Variants in PLCL1 observed in about 807,000 individuals in gnomAD.
PLCL1 encodes inactive phospholipase C-like protein 1.
PLCL1 carries 41 observed loss-of-function variants against 84.4 expected under a neutral mutation model. The ratio of observed to expected loss-of-function variants is 0.49; its 90% confidence interval spans 0.38 to 0.63. The LOEUF (loss-of-function observed/expected upper bound fraction) is 0.63, where lower values mean the gene tolerates loss of function less well. Among genes scored for constraint, PLCL1 ranks in the 30% least tolerant of loss-of-function variants. PLCL1 has a pLI of 0.00. For missense variants in PLCL1, 1,206 were observed against 1,367.8 expected, an observed-to-expected ratio of 0.88 and a Z score of 1.87; for synonymous variants, 490 against 488.3, an observed-to-expected ratio of 1.00 and a Z score of -0.05.
chr2:198,101,182 A>G, intron 3 of PLCL1, 103 bp from the exon 4 acceptor site: 3 of 723,856 alleles, frequency 4.1e-6, no homozygotes, highest in Non-Finnish European at 7.4e-6. Context: ...ACTATGGCTT[A>G]CTTTTACTGG....
chr2:197,988,364 T>G (rs114798840), intron 1 of PLCL1, among the ~76,000 whole-genome samples: 2 of 152,168 alleles, frequency 1.3e-5, no homozygotes. Flanking sequence ...ATATGTAGTA[T>G]TATTTATTCC....
chr2:197,846,829 C>T (rs948635435), intron 1 of PLCL1, among the ~76,000 whole-genome samples: 15 of 152,014 alleles, frequency 9.9e-5, no homozygotes, highest in Non-Finnish European at 2.1e-4. Context: ...AAGGTGGAGA[C>T]ATATATGGAT....
intron 1 of PLCL1, 147 bp from the exon 2 acceptor site, chr2:198,083,610 TC>T (rs1157399025): frequency 1.7e-6 from 1 of 574,740 alleles, no homozygotes; most frequent in African/African-American, 1.9e-5. Context: ...ATTTCTCTTT[TC>T]TGAAACAGTG....
At chr2:197,831,725 C>G (rs1691070819) in intron 1 of PLCL1, among the ~76,000 whole-genome samples, 2 of 152,190 alleles carry the variant, frequency 1.3e-5, no homozygotes, top group South Asian at 4.1e-4. Flanking sequence ...ACATTCTTCT[C>G]AGCACCACAT....
intron 1 of PLCL1, among the ~76,000 whole-genome samples, chr2:197,858,569 A>G (rs953042553): frequency 6.6e-6 from 1 of 152,018 alleles, no homozygotes; most frequent in African/African-American, 2.4e-5. Flanking sequence ...TATGTGTACT[A>G]TTTTTCCTAA....
intron 1 of PLCL1, among the ~76,000 whole-genome samples, chr2:197,923,722 C>A (rs1344109413): frequency 4.0e-5 from 6 of 151,824 alleles, no homozygotes; most frequent in Non-Finnish European, 7.4e-5. Context: ...GATGGGCGGC[C>A]AGGCAGAGAT....
At chr2:198,105,302 C>T (rs1693447016) in intron 5 of PLCL1, among the ~76,000 whole-genome samples, 2 of 151,858 alleles carry the variant, frequency 1.3e-5, no homozygotes, top group African/African-American at 4.8e-5. Context: ...TTGTTGTTGA[C>T]TTTATTGAAG....
At chr2:197,934,648 A>G (rs1015304222) in intron 1 of PLCL1, among the ~76,000 whole-genome samples, 3 of 152,190 alleles carry the variant, frequency 2.0e-5, no homozygotes, top group African/African-American at 7.2e-5. Flanking sequence ...TATAGTTGAC[A>G]AAAACATTTT....
At chr2:197,925,311 TA>T (rs1006576437) in intron 1 of PLCL1, among the ~76,000 whole-genome samples, 13 of 151,972 alleles carry the variant, frequency 8.6e-5, no homozygotes, top group African/African-American at 2.7e-4. Flanking sequence ...ACTGGTTGGT[TA>T]AAAAAAATCA....
intron 1 of PLCL1, among the ~76,000 whole-genome samples, chr2:198,020,499 T>C (rs748606603): frequency 2.5e-4 from 38 of 151,274 alleles, no homozygotes; most frequent in African/African-American, 9.3e-4. Flanking sequence ...ACCCATCTCA[T>C]GTGCAAAGAC....
intron 1 of PLCL1, among the ~76,000 whole-genome samples, chr2:197,937,256 G>A (rs77734120): frequency 0.012 from 1,842 of 152,192 alleles, 35 homozygotes; most frequent in African/African-American, 0.043. Context: ...TTTGCTATTT[G>A]GGGTCCTGTA....
chr2:198,031,600 C>T (rs184192133), intron 1 of PLCL1, among the ~76,000 whole-genome samples: 2 of 150,246 alleles, frequency 1.3e-5, no homozygotes, highest in Non-Finnish European at 2.9e-5. Context: ...AAGCAATTCT[C>T]TCATCTTAGC....
intron 1 of PLCL1, among the ~76,000 whole-genome samples, chr2:198,004,107 A>G (rs957679010): frequency 6.6e-6 from 1 of 152,050 alleles, no homozygotes; most frequent in Non-Finnish European, 1.5e-5. Flanking sequence ...AACTTTAAAC[A>G]TTATTTAAGG....
In PLCL1 at chr2:197,910,316, T is replaced by A. The variant is rs190832126; in HGVS notation, c.240+104977T>A. Among the ~76,000 whole-genome samples the A allele has an allele frequency of 6.2e-3, 940 of 152,352 alleles. 3 individuals are homozygous for A. Among genetic ancestry groups the A allele is most frequent in the Non-Finnish European group, 9.5e-3 (645 of 68,036 alleles). On this transcript the variant is annotated intron_variant, in intron 1 of 5. Coordinates refer to ENST00000428675, the MANE Select transcript of PLCL1 (RefSeq NM_006226.4). ...CCTTTGGTTTCATCTTCTGTAAAAC[T>A]GTACCATTCTCAGAGGACTGTTTTA...
intron 5 of PLCL1, among the ~76,000 whole-genome samples, chr2:198,124,805 TG>T (rs1693948383): frequency 6.6e-6 from 1 of 152,198 alleles, no homozygotes; most frequent in South Asian, 2.1e-4. Context: ...GCTTGTACTT[TG>T]TAGAGAATGA....
chr2:197,818,696 A>G (rs1690742245), intron 1 of PLCL1, among the ~76,000 whole-genome samples: 1 of 152,048 alleles, frequency 6.6e-6, no homozygotes, highest in African/African-American at 2.4e-5. Context: ...GTAAGATTGG[A>G]CTGGTAATGG....
At chr2:197,840,741 C>A (rs1354871117) in intron 1 of PLCL1, among the ~76,000 whole-genome samples, 1 of 152,122 alleles carries the variant, frequency 6.6e-6, no homozygotes, top group Admixed American at 6.5e-5. Context: ...ATGTGTGGCC[C>A]AATGATCCTC....
At chr2:198,107,943 A>G (rs1193450251) in intron 5 of PLCL1, among the ~76,000 whole-genome samples, 1 of 151,958 alleles carries the variant, frequency 6.6e-6, no homozygotes, top group East Asian at 1.9e-4. Flanking sequence ...CCTTTCCCCA[A>G]GAGCTGGACA....
At chr2:197,923,018 T>A (rs1468955356) in intron 1 of PLCL1, among the ~76,000 whole-genome samples, 3 of 90,588 alleles carry the variant, frequency 3.3e-5, no homozygotes, top group Non-Finnish European at 4.5e-5. Flanking sequence ...CACTTCCCAG[T>A]AGGGGCGGCC....
Sources: allele counts gnomAD v4.1 joint callset (sites outside exome capture counted in the v4.1 genomes callset), GRCh38; gene constraint gnomAD v4.1.1; transcripts MANE v1.5; gene names NCBI Gene and HGNC (gene_info 2026-07-23, HGNC 2026-07-21).